PAX8: variants seen among roughly 807,000 people sequenced by gnomAD.
The protein encoded by PAX8 is paired box 8, also known as paired box protein Pax-8.
Under a neutral mutation model 52.4 loss-of-function variants are expected in PAX8, and 15 were observed. The observed-to-expected ratio is 0.29, with a 90% CI of 0.19 to 0.44. PAX8 has a LOEUF of 0.44. Among genes scored for constraint, PAX8 ranks in the 20% least tolerant of loss-of-function variants. The probability of loss-of-function intolerance (pLI) is 1.00; values close to 1 mark genes in which losing one functional copy is unlikely to be tolerated. For missense variants in PAX8, 554 were observed against 602.5 expected, an observed-to-expected ratio of 0.92 and a Z score of 0.84; for synonymous variants, 284 against 249.7, an observed-to-expected ratio of 1.14 and a Z score of -1.29.
chr2:113,272,904 G>C (rs754103499), intron 2 of PAX8: 7 of 152,170 alleles, frequency 4.6e-5, no homozygotes, highest in Non-Finnish European at 1.0e-4. Context: ...GACCCGAAGG[G>C]GGGCAGTGCA....
At chr2:113,270,169 T>G (rs1693364480) in intron 2 of PAX8, 1 of 152,228 alleles carries the variant, frequency 6.6e-6, no homozygotes, top group African/African-American at 2.4e-5. Flanking sequence ...AACGAAGTAC[T>G]GGGTTGCAAG....
chr2:113,233,587 A>C (rs898397876), intron 9 of PAX8, among the ~76,000 whole-genome samples: 1 of 151,596 alleles, frequency 6.6e-6, no homozygotes, highest in African/African-American at 2.4e-5. Flanking sequence ...CTGAGGCAGG[A>C]GAATCACTTG....
At chr2:113,258,417 C>G (rs1321145702) in intron 2 of PAX8, among the ~76,000 whole-genome samples, 2 of 152,096 alleles carry the variant, frequency 1.3e-5, no homozygotes, top group Admixed American at 1.3e-4. Context: ...CCAGTTCTTA[C>G]CAGCTCTCTG....
chr2:113,244,748 T>A, intron 3 of PAX8, 124 bp from the exon 4 acceptor site: 1 of 890,430 alleles, frequency 1.1e-6, no homozygotes, highest in Non-Finnish European at 1.8e-6. Flanking sequence ...GAAATGTGCC[T>A]CCAAGGCTGG....
chr2:113,220,933 A>G (rs1689242862), intron 10 of PAX8, among the ~76,000 whole-genome samples: 1 of 152,232 alleles, frequency 6.6e-6, no homozygotes, highest in African/African-American at 2.4e-5. Context: ...TTTCCAAAGG[A>G]ATTATTTACC....
intron 1 of PAX8, 95 bp from the exon 2 acceptor site, chr2:113,278,564 C>A: frequency 9.0e-7 from 1 of 1,108,584 alleles, no homozygotes; most frequent in South Asian, 1.4e-5. Flanking sequence ...ACACCTGCAT[C>A]GTCTGCCAGG....
Position 113,217,063 on chromosome 2 carries a change from G to A in PAX8, c.*1470C>T. The A allele has an allele frequency of 4.3e-6, 1 of 231,146 alleles. No homozygotes were observed. The highest frequency in any genetic ancestry group is 6.1e-5 in the East Asian group (1 of 16,358). 14.3% of individuals were successfully genotyped at this position (231,146 alleles called of 1,614,324 possible). On this transcript the variant is annotated 3_prime_UTR_variant, in exon 12 of 12. Transcript: ENST00000429538. ...GGATCCCTCACTAACCCACCCTGCT[G>A]ATTCTCTGGCTTCCTGTTAATAACA...
At chr2:113,235,236 G>C in intron 9 of PAX8, 158 bp downstream of exon 9, 1 of 630,122 alleles carries the variant, frequency 1.6e-6, no homozygotes, top group Non-Finnish European at 2.7e-6. Flanking sequence ...CCGTCACAGA[G>C]AACTTCATGT....
At chr2:113,255,212 G>GAGGGAGGGGAGGAGGGAGGGGAGA (rs1213262207) in intron 2 of PAX8, among the ~76,000 whole-genome samples, 1 of 36,162 alleles carries the variant, frequency 2.8e-5, no homozygotes, top group African/African-American at 6.4e-5. Context: ...GAGAGGGAAG[G>GAGGGAGGGGAGGAGGGAGGGGAGA]AGGGAGGGGA....
intron 2 of PAX8, among the ~76,000 whole-genome samples, chr2:113,253,861 C>G (rs1299478968): frequency 1.3e-5 from 2 of 152,132 alleles, no homozygotes; most frequent in Non-Finnish European, 2.9e-5. Flanking sequence ...TTTGGGGGGA[C>G]TGGGGAGGTA....
intron 3 of PAX8, among the ~76,000 whole-genome samples, chr2:113,245,557 C>T (rs1005079767): frequency 6.6e-6 from 1 of 152,146 alleles, no homozygotes; most frequent in African/African-American, 2.4e-5. Context: ...GCTTGGATCC[C>T]CAGCCAGGTC....
intron 2 of PAX8, chr2:113,268,555 G>T (rs999644846): frequency 6.6e-6 from 1 of 152,240 alleles, no homozygotes; most frequent in African/African-American, 2.4e-5. Flanking sequence ...GGCATACATT[G>T]TCCCAGGTAC....
rs1282269211 is a variant in PAX8, at chr2:113,241,672, G to C, written c.656C>G (p.Pro219Arg). 10 of 1,614,026 alleles carry C rather than the reference G, an allele frequency of 6.2e-6. No homozygotes were observed. Among genetic ancestry groups the C allele is most frequent in the Non-Finnish European group, 6.8e-6 (8 of 1,180,030 alleles). Residue 219 changes from proline to arginine, a missense_variant, in exon 7 of 12, where the codon CCC becomes CGC. Pro to Arg is a moderately radical substitution (Grantham distance 103). This residue lies in a region of PAX8 where 445 missense variants were observed against 409.9 expected (regional missense o/e 1.09). Transcript: ENST00000429538. ...GGCATCCGTGCGAAGGTGCTTTCGGGGTCCGCTGCTGCTGCTCTGTGAGTC... is the reference window on the plus strand; with the variant it reads ...GGCATCCGTGCGAAGGTGCTTTCGGCGTCCGCTGCTGCTGCTCTGTGAGTC... Reference protein sequence around the residue: ...SIDSQSSSSGPRKHLRTDAFS... With the variant: ...SIDSQSSSSGRRKHLRTDAFS...
chr2:113,276,859 G>A (rs1196477534), intron 2 of PAX8, among the ~76,000 whole-genome samples: 4 of 152,102 alleles, frequency 2.6e-5, no homozygotes, highest in Non-Finnish European at 4.4e-5. Flanking sequence ...CATTGCACCA[G>A]CTTGGCGCAG....
At position 113,235,536 on chromosome 2, in the gene PAX8, G is replaced by C. The variant is rs1334446512; in HGVS notation, c.945C>G (p.Ser315=). 1.2e-6 allele frequency: 2 copies of C among 1,613,866 alleles called. No individual in the cohort carries two copies. Among genetic ancestry groups the C allele is most frequent in the East Asian group, 4.5e-5 (2 of 44,860 alleles). The stretch of plus-strand genomic sequence containing the variant: ...AAGAGGAAGGGGTGGAGCTAGAACT[G>C]GACACCTCGGGGGTTTCCTGCTTTA... ...FAIKQETPEV[S]SSSSTPSSLS... is the part of the protein sequence containing the mutation. The change falls in exon 9 of 12, where the codon TCC becomes TCG. Residue 315 remains serine (S), a synonymous_variant. Transcript: ENST00000429538.
chr2:113,256,835 G>A (rs1396534789), intron 2 of PAX8, among the ~76,000 whole-genome samples: 1 of 152,046 alleles, frequency 6.6e-6, no homozygotes, highest in Non-Finnish European at 1.5e-5. Context: ...ATGAATTTCT[G>A]TCACTTCTTT....
chr2:113,249,557 G>A (rs1691599697), intron 2 of PAX8, among the ~76,000 whole-genome samples: 1 of 152,050 alleles, frequency 6.6e-6, no homozygotes. Context: ...GCCATTCTGG[G>A]GTGGCATGAA....
Position 113,244,410 on chromosome 2 carries a change from G to T in PAX8, c.389+17C>A. The stretch of plus-strand genomic sequence containing the variant: ...CAGGGGCCCCAGCCTGACACCAGAG[G>T]CTGCTTTCTCTCTTACCTATTAATG... On this transcript the variant is annotated intron_variant, in intron 4 of 11. Transcript: ENST00000429538. The T allele has an allele frequency of 6.2e-7, 1 of 1,603,038 alleles. No homozygotes were observed. The highest frequency in any genetic ancestry group is 8.5e-7 in the Non-Finnish European group (1 of 1,170,636).
rs1269341622 is a variant in PAX8 at position 113,244,560 on chromosome 2, G to T, written c.256C>A (p.Pro86Thr). The T allele has an allele frequency of 3.1e-6, 5 of 1,613,888 alleles. No individual in the cohort carries two copies. The highest frequency in any genetic ancestry group is 4.2e-6 in the Non-Finnish European group (5 of 1,179,870). ...TCCCCAATCTTCTCCACCACCTTGG[G>T]GGTGGCCACCTTGGGCTTGGAGCCC... is the stretch of plus-strand genomic sequence containing the variant. ...IGGSKPKVAT[P>T]KVVEKIGDYK... The change falls in exon 4 of 12, where the codon CCC (proline) becomes ACC (threonine). Residue 86 changes from proline to threonine, a missense_variant. Pro to Thr is a conservative substitution (Grantham distance 38, BLOSUM62 -1). Around this residue, in one of 2 missense-constraint regions of PAX8, gnomAD observed 109 missense variants for 192.7 expected, o/e 0.57. Coordinates refer to ENST00000429538, the MANE Select transcript of PAX8 (RefSeq NM_003466.4).
Sources: allele counts gnomAD v4.1 joint callset (sites outside exome capture counted in the v4.1 genomes callset), GRCh38; gene constraint gnomAD v4.1.1; regional missense constraint gnomAD v4.1.1; transcripts MANE v1.5; gene names NCBI Gene and HGNC (gene_info 2026-07-23, HGNC 2026-07-21).